Variants in ARHGAP22 observed in about 807,000 individuals in gnomAD.
ARHGAP22 encodes rho GTPase-activating protein 22.
Under a neutral mutation model 59.1 loss-of-function variants are expected in ARHGAP22, and 48 were observed. The observed-to-expected ratio is 0.81, with a 90% confidence interval of 0.64 to 1.03. The LOEUF (loss-of-function observed/expected upper bound fraction) is 1.03. Among genes scored for constraint, ARHGAP22 ranks in the 50% least tolerant of loss-of-function variants. ARHGAP22 has a pLI of 0.00. For missense variants in ARHGAP22, 1,015 were observed against 958.7 expected (o/e 1.06, Z -0.78); for synonymous variants, 445 against 416.4 (o/e 1.07, Z -0.84).
At chr10:48,615,349 T>G (rs1280045736) in intron 1 of ARHGAP22, among the ~76,000 whole-genome samples, 2 of 152,230 alleles carry the variant, frequency 1.3e-5, no homozygotes, top group Non-Finnish European at 1.5e-5. Flanking sequence ...ACCATTAAGC[T>G]AATGGAACAA....
In ARHGAP22 at chr10:48,451,071, A is replaced by G; in HGVS notation, c.1058T>C (p.Val353Ala). The change falls in exon 9 of 10, where the codon GTC becomes GCC. Residue 353 changes from valine to alanine, a missense_variant. Physicochemically the swap from Val to Ala is moderately conservative, Grantham distance 64 (BLOSUM62 0). Transcript: ENST00000249601. ...GCGCGGGGAGGTGGGCCCTTCCGGG[A>G]CCGGTGCCGTGAAGAGCTGGCTGTG... ...RKHSQLFTAP[V>A]PEGPTSPRGG... 1 of 1,552,432 alleles carries G rather than the reference A, an allele frequency of 6.4e-7. No individual in the cohort carries two copies.
At chr10:48,652,713 G>A (rs758859730), upstream of ARHGAP22, 2 of 166,678 alleles carry the variant, frequency 1.2e-5, no homozygotes, top group Non-Finnish European at 2.6e-5. Flanking sequence ...GGGGAGCTGG[G>A]TTTCCAGAAA....
chr10:48,569,218 A>G (rs1282871974), intron 2 of ARHGAP22, among the ~76,000 whole-genome samples: 1 of 152,156 alleles, frequency 6.6e-6, no homozygotes, highest in Non-Finnish European at 1.5e-5. Context: ...TGGTATAGAC[A>G]CTTTTGCATT....
Position 48,455,139 on chromosome 10 carries a change from G to A in ARHGAP22, c.660-5C>T. 6.2e-7 allele frequency: 1 copy of A among 1,602,034 alleles called. No individual in the cohort carries two copies. Among genetic ancestry groups the A allele is most frequent in the Non-Finnish European group, 8.5e-7 (1 of 1,173,128 alleles). On this transcript the variant is annotated splice_region_variant and splice_polypyrimidine_tract_variant and intron_variant, in intron 5 of 9. Coordinates refer to ENST00000249601, the MANE Select transcript of ARHGAP22 (RefSeq NM_021226.4). ...ACCGTGTGCACGTCTGTTGTGCTGT[G>A]GGGGGGAAGAGGACAGGTGTGTGAG...
chr10:48,574,057 TAAAC>T (rs35150182), intron 2 of ARHGAP22, among the ~76,000 whole-genome samples: 58,531 of 151,834 alleles, frequency 0.39, 12,678 homozygotes, highest in East Asian at 0.89. Context: ...GACACAGAGA[TAAAC>T]AAGATAGACA....
intron 3 of ARHGAP22, 58 bp downstream of exon 3, chr10:48,555,405 C>T (rs895991348): frequency 6.5e-7 from 1 of 1,547,216 alleles, no homozygotes; most frequent in Non-Finnish European, 8.9e-7. Context: ...CCTTCCCAGG[C>T]CAGGGGCATG....
intron 1 of ARHGAP22, among the ~76,000 whole-genome samples, chr10:48,587,590 A>G (rs1036346058): frequency 1.3e-5 from 2 of 152,040 alleles, no homozygotes; most frequent in African/African-American, 2.4e-5. Flanking sequence ...TCCACTGTCT[A>G]TTCTTGAATT....
intron 4 of ARHGAP22, among the ~76,000 whole-genome samples, chr10:48,477,503 C>A (rs1027331167): frequency 3.3e-5 from 5 of 152,210 alleles, no homozygotes; most frequent in Admixed American, 2.0e-4. Flanking sequence ...TACCTGTACA[C>A]ACATTTCTAT....
chr10:48,579,611 A>G (rs1412450164), intron 2 of ARHGAP22, among the ~76,000 whole-genome samples: 1 of 152,150 alleles, frequency 6.6e-6, no homozygotes, highest in Non-Finnish European at 1.5e-5. Flanking sequence ...TGCCAGCAAG[A>G]TGGGGAGAGG....
intron 1 of ARHGAP22, among the ~76,000 whole-genome samples, chr10:48,616,110 G>A (rs1214332786): frequency 4.6e-5 from 7 of 152,116 alleles, no homozygotes; most frequent in South Asian, 4.1e-4. Flanking sequence ...TTAAAAATCT[G>A]TGGCAATGCT....
intron 1 of ARHGAP22, among the ~76,000 whole-genome samples, chr10:48,614,668 G>A (rs2061013648): frequency 6.6e-6 from 1 of 152,190 alleles, no homozygotes; most frequent in African/African-American, 2.4e-5. Context: ...CCAGGGGAAT[G>A]CTTAATCAGG....
intron 3 of ARHGAP22, among the ~76,000 whole-genome samples, chr10:48,502,760 TC>T (rs1348280369): frequency 6.6e-6 from 1 of 152,148 alleles, no homozygotes; most frequent in Non-Finnish European, 1.5e-5. Context: ...CCATTCTTCC[TC>T]CCATAAATAT....
chr10:48,643,934 G>A (rs2062177658), intron 1 of ARHGAP22, among the ~76,000 whole-genome samples: 1 of 152,040 alleles, frequency 6.6e-6, no homozygotes, highest in African/African-American at 2.4e-5. Context: ...AATCACCTGA[G>A]GTGGGGAGTT....
In ARHGAP22 at chr10:48,564,204, A is replaced by G. The variant is rs181247629; in HGVS notation, c.235-8654T>C. ...TCTAAGGAAAAACAAATGCACAAAA[A>G]TGGATGCATAACAATCCTCAATGTA... On this transcript the variant is annotated intron_variant, in intron 2 of 9. Coordinates refer to ENST00000249601, the MANE Select transcript of ARHGAP22 (RefSeq NM_021226.4). Among the ~76,000 whole-genome samples the G allele has an allele frequency of 2.2e-3, 333 of 152,312 alleles. 3 individuals carry two copies. The highest frequency in any genetic ancestry group is 7.8e-3 in the African/African-American group (325 of 41,532).
intron 3 of ARHGAP22, chr10:48,532,772 A>C (rs1436450432): frequency 6.6e-6 from 1 of 152,044 alleles, no homozygotes; most frequent in Non-Finnish European, 1.5e-5. Context: ...TTTGCTGAGA[A>C]TGATGGTTTC....
intron 1 of ARHGAP22, among the ~76,000 whole-genome samples, chr10:48,635,949 A>C (rs867060525): frequency 2.0e-5 from 3 of 152,248 alleles, no homozygotes; most frequent in African/African-American, 7.2e-5. Flanking sequence ...ATTAAATGAC[A>C]TCACCCCTGT....
intron 1 of ARHGAP22, among the ~76,000 whole-genome samples, chr10:48,650,494 G>T (rs916752686): frequency 3.3e-5 from 5 of 152,112 alleles, no homozygotes; most frequent in African/African-American, 1.2e-4. Context: ...TGGAGCTGGT[G>T]GTTGCACAAC....
chr10:48,603,252 C>T (rs2135905793), intron 1 of ARHGAP22, among the ~76,000 whole-genome samples: 1 of 152,344 alleles, frequency 6.6e-6, no homozygotes, highest in Non-Finnish European at 1.5e-5. Flanking sequence ...GACAGGCTGC[C>T]TGTAAGCCCC....
chr10:48,431,128 A>G, the ARHGAP22 span: 1 of 986,702 alleles, frequency 1.0e-6, no homozygotes, highest in Non-Finnish European at 1.6e-6. Flanking sequence ...CACTTAAACC[A>G]TACATGCGTT....
Sources: allele counts gnomAD v4.1 joint callset (sites outside exome capture counted in the v4.1 genomes callset), GRCh38; gene constraint gnomAD v4.1.1; transcripts MANE v1.5; gene names NCBI Gene and HGNC (gene_info 2026-07-23, HGNC 2026-07-21).